The following B3GALT1 variants were observed in gnomAD, a reference collection of about 807,000 sequenced individuals.
B3GALT1 encodes beta-1,3-galactosyltransferase 1.
Under a neutral mutation model 23.2 loss-of-function variants are expected in B3GALT1, and 10 were observed. The ratio of observed to expected loss-of-function variants is 0.43; its 90% CI spans 0.27 to 0.73. The LOEUF (loss-of-function observed/expected upper bound fraction) is 0.73, where lower values mean the gene tolerates loss of function less well. Ranked by LOEUF, B3GALT1 falls within the 30% of genes least tolerant of loss-of-function variation. The pLI is 0.21. For synonymous variants in B3GALT1, 156 were observed against 141.5 expected (o/e 1.10, Z -0.73); for missense variants, 299 against 405.4 (o/e 0.74, Z 2.25).
At chr2:167,533,516 A>C (rs558195123) in intron 2 of B3GALT1, among the ~76,000 whole-genome samples, 3 of 152,206 alleles carry the variant, frequency 2.0e-5, no homozygotes, top group Admixed American at 2.0e-4. Flanking sequence ...AATTGTCATG[A>C]TCTATTATCC....
chr2:167,544,291 TTTTG>T (rs940987388), intron 2 of B3GALT1, among the ~76,000 whole-genome samples: 4 of 152,184 alleles, frequency 2.6e-5, no homozygotes, highest in East Asian at 3.9e-4. Flanking sequence ...ACAATGGATT[TTTTG>T]TTTGTTTGTT....
chr2:167,513,700 T>A (rs1220583191), intron 2 of B3GALT1, among the ~76,000 whole-genome samples: 1 of 152,114 alleles, frequency 6.6e-6, no homozygotes, highest in African/African-American at 2.4e-5. Flanking sequence ...ATGTGTAAGA[T>A]ATGGGTTTAT....
intron 4 of B3GALT1, among the ~76,000 whole-genome samples, chr2:167,866,997 G>A (rs1425715560): frequency 6.6e-6 from 1 of 151,910 alleles, no homozygotes; most frequent in Non-Finnish European, 1.5e-5. Context: ...CGCAATCTCA[G>A]CTCACTGCAA....
intron 2 of B3GALT1, among the ~76,000 whole-genome samples, chr2:167,514,554 A>G (rs967707160): frequency 6.6e-6 from 1 of 152,206 alleles, no homozygotes; most frequent in African/African-American, 2.4e-5. Flanking sequence ...TCCCAGCCCC[A>G]GCATCAGAGC....
chr2:167,796,153 AT>A (rs1048629466), intron 3 of B3GALT1, among the ~76,000 whole-genome samples: 2 of 152,000 alleles, frequency 1.3e-5, no homozygotes, highest in Middle Eastern at 3.4e-3. Context: ...TTACTTTCAG[AT>A]TTTTTTTTAA....
At chr2:167,421,325 A>G (rs760556325) in intron 1 of B3GALT1, among the ~76,000 whole-genome samples, 2 of 152,218 alleles carry the variant, frequency 1.3e-5, no homozygotes, top group Non-Finnish European at 2.9e-5. Context: ...CATTATCACA[A>G]AAAGTTGTAT....
chr2:167,858,757 A>C (rs1453151238), intron 4 of B3GALT1, among the ~76,000 whole-genome samples: 1 of 152,204 alleles, frequency 6.6e-6, no homozygotes, highest in Non-Finnish European at 1.5e-5. Context: ...GCTATTATGG[A>C]TTCCAGTAAA....
chr2:167,514,507 A>G (rs1002029868), intron 2 of B3GALT1, among the ~76,000 whole-genome samples: 3 of 152,164 alleles, frequency 2.0e-5, no homozygotes, highest in Non-Finnish European at 4.4e-5. Flanking sequence ...AAGAATCTCA[A>G]TGGATGCATA....
intron 1 of B3GALT1, among the ~76,000 whole-genome samples, chr2:167,458,500 T>C (rs1041128171): frequency 6.6e-6 from 1 of 152,206 alleles, no homozygotes; most frequent in African/African-American, 2.4e-5. Context: ...GATCATATAG[T>C]AATTCTATTT....
At chr2:167,596,501 T>C (rs1007553997) in intron 2 of B3GALT1, among the ~76,000 whole-genome samples, 4 of 152,128 alleles carry the variant, frequency 2.6e-5, no homozygotes, top group Non-Finnish European at 5.9e-5. Context: ...ACAAGAATAT[T>C]CCTACACACT....
chr2:167,484,541 A>T (rs984651138), intron 1 of B3GALT1, among the ~76,000 whole-genome samples: 6 of 152,176 alleles, frequency 3.9e-5, no homozygotes, highest in Admixed American at 6.5e-5. Context: ...TCTAGGTCGT[A>T]GGTGGATTTG....
At chr2:167,376,749 A>G (rs1242903678) in intron 1 of B3GALT1, among the ~76,000 whole-genome samples, 3 of 151,878 alleles carry the variant, frequency 2.0e-5, no homozygotes, top group Non-Finnish European at 4.4e-5. Flanking sequence ...TTGTTAACCT[A>G]GCTAGTGGTC....
At chr2:167,572,774 C>T (rs1046545084) in intron 2 of B3GALT1, among the ~76,000 whole-genome samples, 1 of 151,722 alleles carries the variant, frequency 6.6e-6, no homozygotes, top group African/African-American at 2.4e-5. Flanking sequence ...CGTATTTTTA[C>T]TCCTAAGGTG....
At chr2:167,781,020 T>A (rs1303677749) in intron 3 of B3GALT1, among the ~76,000 whole-genome samples, 7 of 152,188 alleles carry the variant, frequency 4.6e-5, no homozygotes, top group African/African-American at 1.4e-4. Flanking sequence ...ACATTTGAAA[T>A]CAGAGAAATG....
chr2:167,789,284 A>G (rs755394680), intron 3 of B3GALT1, among the ~76,000 whole-genome samples: 1 of 152,132 alleles, frequency 6.6e-6, no homozygotes, highest in Non-Finnish European at 1.5e-5. Context: ...CATTATTTAT[A>G]CAAGTATGTA....
chr2:167,803,490 G>T (rs567896079), intron 3 of B3GALT1, among the ~76,000 whole-genome samples: 22 of 152,228 alleles, frequency 1.4e-4, no homozygotes, highest in African/African-American at 5.1e-4. Context: ...CACAATAGGC[G>T]TAGCTCTATT....
chr2:167,729,971 G>A (rs1366883427), intron 3 of B3GALT1, among the ~76,000 whole-genome samples: 1 of 152,150 alleles, frequency 6.6e-6, no homozygotes, highest in African/African-American at 2.4e-5. Context: ...GAGTTTGTGT[G>A]TGTAGTATGT....
intron 2 of B3GALT1, among the ~76,000 whole-genome samples, chr2:167,520,535 G>C (rs938011523): frequency 2.0e-5 from 3 of 152,096 alleles, no homozygotes; most frequent in Non-Finnish European, 2.9e-5. Flanking sequence ...ATAATATGCA[G>C]CTGTGATCAT....
intron 1 of B3GALT1, among the ~76,000 whole-genome samples, chr2:167,407,853 A>G (rs1698326157): frequency 1.3e-5 from 2 of 152,192 alleles, no homozygotes; most frequent in African/African-American, 2.4e-5. Flanking sequence ...CTCATTAAAG[A>G]AAAGCCCAGG....
Sources: gnomAD v4.1 joint callset for allele counts (sites outside exome capture counted in the v4.1 genomes callset) on GRCh38, gnomAD v4.1.1 for gene constraint, MANE v1.5 for transcripts, NCBI Gene and HGNC (gene_info 2026-07-23, HGNC 2026-07-21) for gene names.